HMX1: variants seen among roughly 807,000 people sequenced by gnomAD.
HMX1 encodes the protein homeobox protein HMX1.
HMX1 carries 8 observed loss-of-function variants against 8.9 expected under a neutral mutation model. The observed-to-expected ratio is 0.90, with a 90% confidence interval of 0.53 to 1.63. The LOEUF (loss-of-function observed/expected upper bound fraction) is 1.63, where lower values mean the gene tolerates loss of function less well. HMX1 is among the 40% of genes most tolerant of loss of function. The pLI, the probability that HMX1 is intolerant of heterozygous loss-of-function variation, is 0.00. For synonymous variants in HMX1, 311 were observed against 283.4 expected (o/e 1.10, Z -0.98); for missense variants, 621 against 558.5 (o/e 1.11, Z -1.13).
downstream of HMX1, among the ~76,000 whole-genome samples, chr4:8,866,530 G>A (rs920550726): frequency 6.6e-6 from 1 of 152,210 alleles, no homozygotes; most frequent in Non-Finnish European, 1.5e-5. Flanking sequence ...CATCATCACC[G>A]GCCGTGAACA....
intron 1 of HMX1, among the ~76,000 whole-genome samples, chr4:8,855,770 C>T (rs1369905435): frequency 6.6e-6 from 1 of 152,098 alleles, no homozygotes; most frequent in Non-Finnish European, 1.5e-5. Context: ...CACGTGAGGG[C>T]AGGAAGGGCC....
chr4:8,852,210 T>A (rs1173156770), intron 1 of HMX1, among the ~76,000 whole-genome samples: 1 of 152,224 alleles, frequency 6.6e-6, no homozygotes, highest in Non-Finnish European at 1.5e-5. Context: ...TTAGTGGCAA[T>A]TTGTAATAAA....
intron 1 of HMX1, among the ~76,000 whole-genome samples, chr4:8,854,476 C>T (rs1721550212): frequency 6.6e-6 from 1 of 152,236 alleles, no homozygotes; most frequent in Non-Finnish European, 1.5e-5. Flanking sequence ...GCCTGAAGTG[C>T]AAACACTGAG....
At chr4:8,869,562 G>A (rs1722141368) in intron 1 of HMX1, among the ~76,000 whole-genome samples, 1 of 152,228 alleles carries the variant, frequency 6.6e-6, no homozygotes, top group African/African-American at 2.4e-5. Flanking sequence ...TCTGTGCGTG[G>A]TTCCAGCTCT....
chr4:8,854,743 C>A (rs992447321), intron 1 of HMX1, among the ~76,000 whole-genome samples: 1 of 152,164 alleles, frequency 6.6e-6, no homozygotes, highest in African/African-American at 2.4e-5. Flanking sequence ...TTTGGAGAAC[C>A]CTAATTCCTA....
rs182183894 is a variant in HMX1, at chr4:8,846,179, C to T, written c.540G>A (p.Thr180=). The change falls in exon 2 of 2, where the codon ACG becomes ACA. Residue 180 remains threonine, a synonymous_variant. Transcript: ENST00000506970. Reference sequence around the variant, plus strand: ...GGGTCCAGGCTGACAAAGGCTCCACCGTGTTGTGGCTGCACCATCCAGTCC... The same window carrying T: ...GGGTCCAGGCTGACAAAGGCTCCACTGTGTTGTGGCTGCACCATCCAGTCC... The T allele has an allele frequency of 5.4e-5, 69 of 1,277,246 alleles. No individual in the cohort carries two copies. In the African/African-American group the frequency reaches 5.9e-4, roughly 11 times the overall value. 79.1% of individuals were successfully genotyped at this position (1,277,246 alleles called of 1,614,324 possible).
At chr4:8,860,191 C>T (rs1041427636) in intron 1 of HMX1, among the ~76,000 whole-genome samples, 6 of 152,206 alleles carry the variant, frequency 3.9e-5, no homozygotes, top group African/African-American at 1.4e-4. Context: ...AGCATGACTG[C>T]GCGCCAAATG....
chr4:8,864,952 G>C (rs1242501402), downstream of HMX1, among the ~76,000 whole-genome samples: 2 of 152,234 alleles, frequency 1.3e-5, no homozygotes, highest in African/African-American at 4.8e-5. Context: ...CATTTGAACT[G>C]TGTAGACCCT....
chr4:8,857,333 C>T (rs1459721890), intron 1 of HMX1, among the ~76,000 whole-genome samples: 1 of 152,162 alleles, frequency 6.6e-6, no homozygotes, highest in Non-Finnish European at 1.5e-5. Context: ...CGGGCGGCGG[C>T]GGCCTTCCCC....
chr4:8,860,604 C>A (rs1034125672), intron 1 of HMX1: 1 of 152,418 alleles, frequency 6.6e-6, no homozygotes, highest in Non-Finnish European at 1.5e-5. Flanking sequence ...AGCCCCGCGT[C>A]CCCCGCCACG....
At position 8,868,466 on chromosome 4, in the gene HMX1, A is replaced by C; in HGVS notation, c.395-121T>G. The stretch of plus-strand genomic sequence containing the variant: ...GCCACAAGCAGGAAGACCTTCCAGC[A>C]CAGGGCTGGGCACCCAGCAGCTCTG... On this transcript the variant is annotated intron_variant, in intron 1 of 1. Coordinates refer to ENST00000400677, the MANE Select transcript of HMX1 (RefSeq NM_018942.3). This position sits in a 1 kb window ranked among gnomAD's most constrained non-coding sequence, Gnocchi z 4.6. The C allele has an allele frequency of 3.8e-6, 3 of 789,278 alleles. No individual in the cohort carries two copies. The highest frequency in any genetic ancestry group is 5.2e-6 in the Non-Finnish European group (3 of 576,730). 48.9% of individuals were successfully genotyped at this position (789,278 alleles called of 1,614,324 possible).
intron 1 of HMX1, among the ~76,000 whole-genome samples, chr4:8,861,750 T>C (rs1290471443): frequency 2.0e-5 from 3 of 152,228 alleles, no homozygotes; most frequent in Non-Finnish European, 4.4e-5. Context: ...CTGGCGTCTG[T>C]CTGGACCCTC....
In HMX1 at chr4:8,849,583, T is replaced by C. The variant is rs985438008; in HGVS notation, c.395-3259A>G. On this transcript the variant is annotated intron_variant, in intron 1 of 1. Transcript: ENST00000506970. This position sits in a 1 kb window ranked among gnomAD's most constrained non-coding sequence, Gnocchi z 6.6. ...AACATTTCAATTGTCTGAAGCCCAT[T>C]GCCTGTGGCCCTTGGTCCCGGCAGC... Among the ~76,000 whole-genome samples, 1 of 152,166 alleles carries C rather than the reference T, an allele frequency of 6.6e-6. No homozygotes were observed. Among genetic ancestry groups the C allele is most frequent in the African/African-American group, 2.4e-5 (1 of 41,464 alleles).
chr4:8,867,932 T>C lies in HMX1; in HGVS notation c.808A>G (p.Ser270Gly), dbSNP rs1334257268. ...CGCTGCGCTCCCGGCGGGGACAGGC[T>C]GGCCGCCTCCAGCTCGGCTGCCAGC... The part of the protein sequence containing the change: ...RQLAAELEAA[S>G]LSPPGAQRLV... The change falls in exon 2 of 2, where the codon AGC (serine) becomes GGC (glycine). Residue 270 changes from serine to glycine, a missense_variant. Physicochemically the swap from Ser to Gly is moderately conservative, Grantham distance 56. Coordinates refer to ENST00000400677, the MANE Select transcript of HMX1 (RefSeq NM_018942.3). 22 of 1,468,078 alleles carry C rather than the reference T, an allele frequency of 1.5e-5. No homozygotes were observed. The highest frequency in any genetic ancestry group is 1.9e-5 in the Non-Finnish European group (21 of 1,110,228). The allele number at this position is 1,468,078 out of a possible 1,614,324, so 90.9% of individuals were successfully genotyped here. A position where few individuals can be genotyped will look rare whatever the true frequency, so the allele number is the denominator to read the frequency against.
intron 1 of HMX1, among the ~76,000 whole-genome samples, chr4:8,869,527 C>T (rs1024106937): frequency 2.0e-5 from 3 of 152,246 alleles, no homozygotes; most frequent in Non-Finnish European, 4.4e-5. Context: ...CACGCTCATG[C>T]AAGGGGTGCG....
At chr4:8,858,745 A>G (rs4956755) in intron 1 of HMX1, 28,964 of 152,194 alleles carry the variant, frequency 0.19, 3,677 homozygotes, top group East Asian at 0.6. Context: ...CGAAAAACGA[A>G]GGTCCTGGAG....
chr4:8,851,236 G>T (rs1480312776), intron 1 of HMX1, among the ~76,000 whole-genome samples: 1 of 152,194 alleles, frequency 6.6e-6, no homozygotes, highest in African/African-American at 2.4e-5. Flanking sequence ...GAGGGTTCGG[G>T]TCTTCGTGGC....
In HMX1 at chr4:8,867,771, G is replaced by A; in HGVS notation, c.969C>T (p.Ala323=). ...GGAAGGCGGCCAGCGGGTAGGCGAG[G>A]GCCCCGGAGAAGCCGAGCAGCGGTG... The part of the protein sequence containing the change: ...PPPPLLGFSG[A]LAYPLAAFPA... Residue 323 remains alanine, a synonymous_variant, in exon 2 of 2, where the codon GCC becomes GCT. Transcript: ENST00000400677. 7.8e-7 allele frequency: 1 copy of A among 1,274,002 alleles called. No homozygotes were observed. The allele number at this position is 1,274,002 out of a possible 1,614,324, so 78.9% of individuals were successfully genotyped here.
chr4:8,851,857 C>T (rs1352049982), intron 1 of HMX1, among the ~76,000 whole-genome samples: 1 of 152,262 alleles, frequency 6.6e-6, no homozygotes, highest in Non-Finnish European at 1.5e-5. Context: ...CAGGCCTGGG[C>T]ACTGTGGGGA....
Sources: allele counts gnomAD v4.1 joint callset (sites outside exome capture counted in the v4.1 genomes callset), GRCh38; gene constraint gnomAD v4.1.1; non-coding constraint Gnocchi (gnomAD v3.1); transcripts MANE v1.5; gene names NCBI Gene and HGNC (gene_info 2026-07-23, HGNC 2026-07-21).